The following PLA2G4A variants were observed in gnomAD, a reference collection of about 807,000 sequenced individuals.
PLA2G4A encodes the protein phospholipase A2 group IVA, also known as cytosolic phospholipase A2.
Under a neutral mutation model 81.9 loss-of-function variants are expected in PLA2G4A, and 40 were observed. The observed-to-expected ratio is 0.49, with a 90% CI of 0.38 to 0.64. PLA2G4A has a LOEUF of 0.64. Among genes scored for constraint, PLA2G4A ranks in the 30% least tolerant of loss-of-function variants. PLA2G4A has a pLI of 0.00. For missense variants in PLA2G4A, 715 were observed against 905.1 expected (o/e 0.79, Z 2.69); for synonymous variants, 302 against 296.9 (o/e 1.02, Z -0.18).
chr1:186,919,983 A>T (rs1655288111), intron 7 of PLA2G4A, among the ~76,000 whole-genome samples: 1 of 152,148 alleles, frequency 6.6e-6, no homozygotes, highest in Non-Finnish European at 1.5e-5. Context: ...CTTCTCTGGG[A>T]ACCGGATACT....
Position 186,876,168 on chromosome 1 carries a change from T to A in PLA2G4A, c.115+5652T>A, listed in dbSNP as rs141658573. ...TGGGCCTTGTAATGTGAGGGATGCA[T>A]GTTGAACATTTATAAGATTCGCGAA... On this transcript the variant is annotated intron_variant, in intron 3 of 17. Coordinates refer to ENST00000367466, the MANE Select transcript of PLA2G4A (RefSeq NM_024420.3). Among the ~76,000 whole-genome samples, 5 of 152,246 alleles carry A rather than the reference T, an allele frequency of 3.3e-5. No homozygotes were observed. The East Asian group carries it at 7.8e-4, about 24-fold the overall frequency.
At chr1:186,837,633 A>T (rs1256546847) in intron 1 of PLA2G4A, among the ~76,000 whole-genome samples, 1 of 149,386 alleles carries the variant, frequency 6.7e-6, no homozygotes, top group Admixed American at 6.6e-5. Flanking sequence ...GCTACTTGGA[A>T]GGCTGAGGCA....
intron 7 of PLA2G4A, among the ~76,000 whole-genome samples, chr1:186,916,248 T>C (rs1571398108): frequency 6.6e-6 from 1 of 152,126 alleles, no homozygotes; most frequent in African/African-American, 2.4e-5. Context: ...CACGCTCCCC[T>C]TTTTTCCAGT....
In PLA2G4A at chr1:186,829,054, A is replaced by G. The variant is rs1016124112; in HGVS notation, c.-70+19A>G. ...TTCTCAGGTAACTCTGGGAACTGTAAGCAATATATTTATTCTTCCTCTGCT... is the reference window on the plus strand; with the variant it reads ...TTCTCAGGTAACTCTGGGAACTGTAGGCAATATATTTATTCTTCCTCTGCT... On this transcript the variant is annotated intron_variant, in intron 1 of 17. Transcript: ENST00000367466. 4 of 152,160 alleles carry G rather than the reference A, an allele frequency of 2.6e-5. No homozygotes were observed. Among genetic ancestry groups the G allele is most frequent in the African/African-American group, 9.7e-5 (4 of 41,426 alleles). 9.4% of individuals were successfully genotyped at this position (152,160 alleles called of 1,614,324 possible).
chr1:186,845,860 A>C (rs1170515369), intron 1 of PLA2G4A, among the ~76,000 whole-genome samples: 1 of 152,188 alleles, frequency 6.6e-6, no homozygotes, highest in African/African-American at 2.4e-5. Flanking sequence ...TCTGTTGAAA[A>C]GTCTATCCAA....
rs980160935 is a variant in PLA2G4A at position 186,920,494 on chromosome 1, G to A, written c.558+9105G>A. 5.3e-5 allele frequency among the ~76,000 whole-genome samples: 8 copies of A among 152,316 alleles called. No individual in the cohort carries two copies. In the South Asian group the frequency reaches 1.0e-3, roughly 20 times the overall value. ...CTTGCCCCCAGTTGTAATCCTGACC[G>A]TGGGCTCCTTGGGGGCGCTTGAGCC... On this transcript the variant is annotated intron_variant, in intron 7 of 17. Coordinates refer to ENST00000367466, the MANE Select transcript of PLA2G4A (RefSeq NM_024420.3).
intron 14 of PLA2G4A, among the ~76,000 whole-genome samples, chr1:186,960,834 G>A (rs1437404966): frequency 6.6e-6 from 1 of 152,180 alleles, no homozygotes; most frequent in Non-Finnish European, 1.5e-5. Flanking sequence ...GTTAGTGGAA[G>A]CCATAGGAAG....
At chr1:186,940,978 A>G (rs1174680639) in intron 10 of PLA2G4A, among the ~76,000 whole-genome samples, 3 of 152,050 alleles carry the variant, frequency 2.0e-5, no homozygotes, top group Admixed American at 2.0e-4. Context: ...CTTCTTGGAT[A>G]CTATAAAAGT....
chr1:186,928,117 C>A (rs1655615360), intron 7 of PLA2G4A, among the ~76,000 whole-genome samples: 1 of 151,924 alleles, frequency 6.6e-6, no homozygotes, highest in Non-Finnish European at 1.5e-5. Context: ...TATAAACAGC[C>A]AAGGAATAAA....
chr1:186,920,886 C>T (rs1323804041), intron 7 of PLA2G4A, among the ~76,000 whole-genome samples: 3 of 152,208 alleles, frequency 2.0e-5, no homozygotes, highest in Non-Finnish European at 4.4e-5. Context: ...TATTCATATG[C>T]GCAAACCCAG....
At chr1:186,847,357 C>CGT (rs34724808) in intron 1 of PLA2G4A, among the ~76,000 whole-genome samples, 6,723 of 146,186 alleles carry the variant, frequency 0.046, 171 homozygotes, top group South Asian at 0.12. Flanking sequence ...TTATTTCATA[C>CGT]GTGTGTGTGT....
At chr1:186,842,547 A>T (rs1345445229) in intron 1 of PLA2G4A, among the ~76,000 whole-genome samples, 1 of 152,190 alleles carries the variant, frequency 6.6e-6, no homozygotes, top group Non-Finnish European at 1.5e-5. Flanking sequence ...ATGTAAAAGT[A>T]TTTGGGGATA....
chr1:186,845,142 G>A (rs543879562), intron 1 of PLA2G4A, among the ~76,000 whole-genome samples: 25 of 151,982 alleles, frequency 1.6e-4, no homozygotes, highest in Non-Finnish European at 3.4e-4. Context: ...CCCAGGAGGC[G>A]GAGGTTGCAG....
intron 1 of PLA2G4A, among the ~76,000 whole-genome samples, chr1:186,834,524 A>G (rs1651710048): frequency 1.3e-5 from 2 of 152,094 alleles, no homozygotes. Flanking sequence ...CAGAAAAATT[A>G]CTGGAGAAGG....
Position 186,870,715 on chromosome 1 carries a change from A to G in PLA2G4A, c.115+199A>G, listed in dbSNP as rs188200037. 49 of 1,561,238 alleles carry G rather than the reference A, an allele frequency of 3.1e-5. No individual in the cohort carries two copies. In the South Asian group the frequency reaches 5.6e-4, roughly 18 times the overall value. On this transcript the variant is annotated intron_variant, in intron 3 of 17. Coordinates refer to ENST00000367466, the MANE Select transcript of PLA2G4A (RefSeq NM_024420.3). ...TTTTACCTGGGCCTTAAATTAGCCA[A>G]AGTGACAAAGGGGGCCTTTGGTGAC...
intron 12 of PLA2G4A, among the ~76,000 whole-genome samples, chr1:186,948,759 C>T (rs1343370886): frequency 1.3e-5 from 2 of 152,020 alleles, no homozygotes; most frequent in African/African-American, 4.8e-5. Context: ...CTTTAGAGGC[C>T]GGCAGTCTGG....
chr1:186,916,841 C>T (rs906146105), intron 7 of PLA2G4A, among the ~76,000 whole-genome samples: 4 of 152,190 alleles, frequency 2.6e-5, no homozygotes, highest in Admixed American at 6.5e-5. Flanking sequence ...TGAGAGCAGT[C>T]CTCCATGCAG....
At chr1:186,893,863 G>T (rs1188305997) in intron 4 of PLA2G4A, among the ~76,000 whole-genome samples, 2 of 149,162 alleles carry the variant, frequency 1.3e-5, no homozygotes, top group Non-Finnish European at 3.0e-5. Context: ...GGTGGAGGTT[G>T]CAGTGAGCCG....
chr1:186,945,661 G>A (rs1656313661), intron 10 of PLA2G4A, among the ~76,000 whole-genome samples: 1 of 152,040 alleles, frequency 6.6e-6, no homozygotes, highest in African/African-American at 2.4e-5. Flanking sequence ...GAACCATCAA[G>A]GGTAATCCTG....
Sources: gnomAD v4.1 joint callset for allele counts (sites outside exome capture counted in the v4.1 genomes callset) on GRCh38, gnomAD v4.1.1 for gene constraint, MANE v1.5 for transcripts, NCBI Gene and HGNC (gene_info 2026-07-23, HGNC 2026-07-21) for gene names.